LRRC8B: variants seen among roughly 807,000 people sequenced by gnomAD.
The protein encoded by LRRC8B is leucine rich repeat containing 8 VRAC subunit B, also known as volume-regulated anion channel subunit LRRC8B.
In LRRC8B, 23 loss-of-function variants were observed where a neutral mutation model predicts 58.8. The ratio of observed to expected loss-of-function variants is 0.39; its 90% CI spans 0.28 to 0.55. The LOEUF is 0.55. Ranked by LOEUF, LRRC8B falls within the 20% of genes least tolerant of loss-of-function variation. The pLI is 0.62. For missense variants in LRRC8B, 694 were observed against 936.0 expected, an observed-to-expected ratio of 0.74 and a Z score of 3.37; for synonymous variants, 359 against 374.1, an observed-to-expected ratio of 0.96 and a Z score of 0.47.
chr1:89,530,152 C>T (rs1650003457), intron 1 of LRRC8B, among the ~76,000 whole-genome samples: 1 of 150,592 alleles, frequency 6.6e-6, no homozygotes, highest in Non-Finnish European at 1.5e-5. Context: ...AGTTCGAGAC[C>T]ATCCTGGCTA....
intron 1 of LRRC8B, among the ~76,000 whole-genome samples, chr1:89,565,706 T>C (rs1184725490): frequency 6.6e-6 from 1 of 152,208 alleles, no homozygotes; most frequent in Non-Finnish European, 1.5e-5. Flanking sequence ...TCTGCTGTCC[T>C]TCATTTACTC....
chr1:89,529,989 G>T (rs940422236), intron 1 of LRRC8B, among the ~76,000 whole-genome samples: 3 of 151,988 alleles, frequency 2.0e-5, no homozygotes, highest in African/African-American at 4.8e-5. Context: ...GGACCATACT[G>T]GGGAGGACAG....
At chr1:89,525,691 C>T (rs1176203254) in intron 1 of LRRC8B, among the ~76,000 whole-genome samples, 2 of 152,136 alleles carry the variant, frequency 1.3e-5, no homozygotes, top group Admixed American at 6.6e-5. Flanking sequence ...TCAGTATTGG[C>T]TCATTAATCT....
At chr1:89,525,537 G>A (rs1183766741) in intron 1 of LRRC8B, among the ~76,000 whole-genome samples, 23 of 152,214 alleles carry the variant, frequency 1.5e-4, no homozygotes, top group Admixed American at 1.5e-3. Flanking sequence ...TTGGATACGC[G>A]TTGGTTGCCT....
chr1:89,544,628 G>C (rs764391493), intron 1 of LRRC8B, among the ~76,000 whole-genome samples: 1 of 152,180 alleles, frequency 6.6e-6, no homozygotes, highest in Non-Finnish European at 1.5e-5. Flanking sequence ...GGGTACTTTA[G>C]ATGGGCTAAG....
intron 5 of LRRC8B, among the ~76,000 whole-genome samples, chr1:89,590,242 G>T (rs7525735): frequency 6.6e-6 from 1 of 152,136 alleles, no homozygotes; most frequent in Admixed American, 6.5e-5. Flanking sequence ...ATTTTTTATA[G>T]AATTTGTTGA....
rs958969474 is a variant in LRRC8B at position 89,596,284 on chromosome 1, C to T, written c.*3241C>T. ...CATCTGTGTGGCACACAGATACTAT[C>T]TTTTCATTCTTCACTCCCAGTCTTA... On this transcript the variant is annotated 3_prime_UTR_variant, in exon 6 of 6. Coordinates refer to ENST00000330947, the MANE Select transcript of LRRC8B (RefSeq NM_001369817.2). The T allele has an allele frequency of 6.6e-6, 1 of 152,062 alleles. No individual in the cohort carries two copies. Among genetic ancestry groups the T allele is most frequent in the Admixed American group, 6.5e-5 (1 of 15,274 alleles). 9.4% of individuals were successfully genotyped at this position (152,062 alleles called of 1,614,324 possible).
chr1:89,591,399 A>G lies in LRRC8B; in HGVS notation c.2140-1372A>G, dbSNP rs116352305. Reference sequence around the variant, plus strand: ...TCTCATCTCTCTGCCTCATCTCCCAATGTAAGTCTGCATATGTAGGGTTTG... The same window carrying G: ...TCTCATCTCTCTGCCTCATCTCCCAGTGTAAGTCTGCATATGTAGGGTTTG... On this transcript the variant is annotated intron_variant, in intron 5 of 5. Transcript: ENST00000330947. Among the ~76,000 whole-genome samples, 842 of 152,274 alleles carry G rather than the reference A, an allele frequency of 5.5e-3. 9 individuals carry two copies. The highest frequency in any genetic ancestry group is 0.018 in the African/African-American group (759 of 41,554).
intron 1 of LRRC8B, among the ~76,000 whole-genome samples, chr1:89,566,889 G>C (rs1025142992): frequency 2.6e-5 from 4 of 152,178 alleles, no homozygotes; most frequent in Admixed American, 2.6e-4. Context: ...TCTTATTTGA[G>C]AAAGAAGAGA....
intron 1 of LRRC8B, among the ~76,000 whole-genome samples, chr1:89,562,553 A>G (rs1056094235): frequency 7.9e-5 from 12 of 151,774 alleles, no homozygotes; most frequent in South Asian, 2.1e-4. Context: ...GGCTCACTGC[A>G]GCCTCGACCT....
chr1:89,570,299 T>C (rs1653364711), intron 3 of LRRC8B, among the ~76,000 whole-genome samples: 1 of 152,224 alleles, frequency 6.6e-6, no homozygotes, highest in African/African-American at 2.4e-5. Flanking sequence ...ATTGCCACAT[T>C]GTCTTCTACA....
At chr1:89,581,987 G>A (rs1405845235) in intron 4 of LRRC8B, among the ~76,000 whole-genome samples, 2 of 152,188 alleles carry the variant, frequency 1.3e-5, no homozygotes, top group Non-Finnish European at 2.9e-5. Flanking sequence ...GCTTAAAAGA[G>A]GCTCCTTGTG....
intron 1 of LRRC8B, among the ~76,000 whole-genome samples, chr1:89,525,264 C>T (rs1268734962): frequency 1.3e-5 from 2 of 152,222 alleles, no homozygotes; most frequent in East Asian, 1.9e-4. Context: ...AGGACCTCTC[C>T]TGTGTGCTGG....
intron 1 of LRRC8B, among the ~76,000 whole-genome samples, chr1:89,560,434 G>T (rs1290544137): frequency 3.4e-5 from 5 of 149,206 alleles, no homozygotes; most frequent in Non-Finnish European, 7.4e-5. Flanking sequence ...TGTGCACATT[G>T]TGCAGGTTAG....
intron 1 of LRRC8B, among the ~76,000 whole-genome samples, chr1:89,545,267 T>C (rs1243051139): frequency 1.3e-5 from 2 of 152,232 alleles, no homozygotes; most frequent in African/African-American, 4.8e-5. Context: ...GATTTCTGCA[T>C]TTACAGGTAA....
At position 89,566,145 on chromosome 1, in the gene LRRC8B, G is replaced by A. The variant is rs115496150; in HGVS notation, c.-240-2102G>A. On this transcript the variant is annotated intron_variant, in intron 1 of 5. Transcript: ENST00000330947. ...GAAAGAGACATTGGGATACATCCTG[G>A]GATGCCAATAAATGAGATACTGCCC... 5.3e-3 allele frequency among the ~76,000 whole-genome samples: 811 copies of A among 152,194 alleles called. 2 individuals are homozygous for A. The highest frequency in any genetic ancestry group is 9.5e-3 in the Non-Finnish European group (647 of 68,010).
rs1189147453 is a variant in LRRC8B, at chr1:89,579,622, A to G, written c.-93A>G. The G allele has an allele frequency of 6.5e-6, 1 of 152,674 alleles. No individual in the cohort carries two copies. The highest frequency in any genetic ancestry group is 1.5e-5 in the Non-Finnish European group (1 of 68,042). The allele number at this position is 152,674 out of a possible 1,614,324, so 9.5% of individuals were successfully genotyped here. A position where few individuals can be genotyped will look rare whatever the true frequency, so the allele number is the denominator to read the frequency against. ...GACAAACACAGAGATGGTGTGTCTA[A>G]GAAACTTCAAAAGGTGTAGACCTCC... On this transcript the variant is annotated 5_prime_UTR_variant, in exon 4 of 6. Coordinates refer to ENST00000330947, the MANE Select transcript of LRRC8B (RefSeq NM_001369817.2).
intron 1 of LRRC8B, among the ~76,000 whole-genome samples, chr1:89,541,790 G>T (rs896532598): frequency 2.1e-5 from 3 of 142,070 alleles, no homozygotes; most frequent in African/African-American, 8.2e-5. Context: ...CTAAAGTTAA[G>T]GCAGATGGTA....
chr1:89,571,381 T>C (rs1204089464), intron 3 of LRRC8B, among the ~76,000 whole-genome samples: 1 of 152,226 alleles, frequency 6.6e-6, no homozygotes, highest in Non-Finnish European at 1.5e-5. Context: ...TTTTGTGTCA[T>C]CTCCAATTTC....
Sources: allele counts gnomAD v4.1 joint callset (sites outside exome capture counted in the v4.1 genomes callset), GRCh38; gene constraint gnomAD v4.1.1; transcripts MANE v1.5; gene names NCBI Gene and HGNC (gene_info 2026-07-23, HGNC 2026-07-21).